The following CDH19 variants were observed in gnomAD, a reference collection of about 807,000 sequenced individuals.
CDH19 encodes cadherin 19, also known as cadherin-19.
A neutral mutation model predicts 64.2 loss-of-function variants in CDH19; 67 were observed. The ratio of observed to expected loss-of-function variants is 1.04; its 90% CI spans 0.86 to 1.28. CDH19 has a LOEUF of 1.28. Among genes scored for constraint, CDH19 ranks in the 50% most tolerant of loss-of-function variants. CDH19 has a pLI of 0.00. For missense variants in CDH19, 1,030 were observed against 929.0 expected (o/e 1.11, Z -1.41); for synonymous variants, 346 against 319.3 (o/e 1.08, Z -0.89).
At chr18:66,573,521 G>C (rs904664398) in intron 1 of CDH19, among the ~76,000 whole-genome samples, 7 of 151,652 alleles carry the variant, frequency 4.6e-5, no homozygotes, top group African/African-American at 1.7e-4. Flanking sequence ...TTTATGTTAC[G>C]TATTTGAAAT....
intron 7 of CDH19, among the ~76,000 whole-genome samples, chr18:66,541,053 T>G (rs551460): frequency 0.25 from 38,388 of 151,904 alleles, 6,759 homozygotes; most frequent in African/African-American, 0.49. Flanking sequence ...TTTTAAAAAT[T>G]GACATGTAGT....
At chr18:66,543,379 T>TA (rs1448927325) in intron 7 of CDH19, among the ~76,000 whole-genome samples, 1 of 152,090 alleles carries the variant, frequency 6.6e-6, no homozygotes, top group East Asian at 1.9e-4. Flanking sequence ...TGGGGCTTTT[T>TA]AAAAAACGAT....
intron 6 of CDH19, 127 bp from the exon 7 acceptor site, chr18:66,544,351 A>G (rs550990030): frequency 7.7e-6 from 6 of 775,560 alleles, no homozygotes. Flanking sequence ...TTTTATGTAC[A>G]TGGATCTCTC....
chr18:66,565,044 A>AT (rs36007690), intron 3 of CDH19, among the ~76,000 whole-genome samples: 1 of 151,696 alleles, frequency 6.6e-6, no homozygotes, highest in East Asian at 1.9e-4. Flanking sequence ...CTTATTTAGC[A>AT]TTTTTTTGTC....
chr18:66,595,960 C>T (rs1043944882), intron 1 of CDH19, among the ~76,000 whole-genome samples: 3 of 152,032 alleles, frequency 2.0e-5, no homozygotes, highest in Non-Finnish European at 4.4e-5. Flanking sequence ...CAAATTCAAT[C>T]CATCATGATA....
At chr18:66,513,711 T>C (rs889144978) in intron 9 of CDH19, among the ~76,000 whole-genome samples, 1 of 151,468 alleles carries the variant, frequency 6.6e-6, no homozygotes, top group Non-Finnish European at 1.5e-5. Flanking sequence ...CTGGGAACTA[T>C]CGTTGACCTT....
intron 4 of CDH19, 23 bp downstream of exon 4, chr18:66,554,380 CTT>C (rs1279297624): frequency 6.8e-6 from 11 of 1,608,244 alleles, no homozygotes; most frequent in Admixed American, 1.7e-5. Flanking sequence ...TCATGTTAAA[CTT>C]TGCTTGTTTC....
chr18:66,544,964 T>C (rs897528195), intron 5 of CDH19, 61 bp from the exon 6 acceptor site: 37 of 1,255,764 alleles, frequency 2.9e-5, no homozygotes, highest in African/African-American at 6.1e-5. Context: ...CTTGCAATTA[T>C]AGTTTTTTGT....
At chr18:66,509,342 G>A in intron 10 of CDH19, 96 bp from the exon 11 acceptor site, 7 of 1,015,070 alleles carry the variant, frequency 6.9e-6, no homozygotes, top group South Asian at 1.8e-5. Flanking sequence ...ATAGAGATAT[G>A]ATCAAGTAAG....
chr18:66,520,858 T>C (rs1049422981), intron 9 of CDH19, among the ~76,000 whole-genome samples: 1 of 152,066 alleles, frequency 6.6e-6, no homozygotes, highest in African/African-American at 2.4e-5. Context: ...ATTTATTGAT[T>C]GTTATGTAAT....
chr18:66,569,225 T>C (rs966993427), intron 2 of CDH19, among the ~76,000 whole-genome samples: 2 of 151,708 alleles, frequency 1.3e-5, no homozygotes, highest in Non-Finnish European at 3.0e-5. Flanking sequence ...ATTTATTACA[T>C]GTCATAAAAT....
In CDH19 at chr18:66,503,607, T is replaced by C. The variant is rs188127433; in HGVS notation, c.*1205A>G. The C allele has an allele frequency of 2.0e-5, 3 of 152,038 alleles. No individual in the cohort carries two copies. The highest frequency in any genetic ancestry group is 2.0e-4 in the Admixed American group (3 of 15,230). The allele number at this position is 152,038 out of a possible 1,614,324, so 9.4% of individuals were successfully genotyped here. On this transcript the variant is annotated 3_prime_UTR_variant, in exon 12 of 12. Coordinates refer to ENST00000262150, the MANE Select transcript of CDH19 (RefSeq NM_021153.4). ...GTTTGCATTTAATTATGAGTAAATA[T>C]TGACTTGTATTTTGCTATTGTATTT...
intron 1 of CDH19, among the ~76,000 whole-genome samples, chr18:66,595,269 ACAT>A (rs1988854787): frequency 6.6e-6 from 1 of 151,612 alleles, no homozygotes; most frequent in African/African-American, 2.4e-5. Context: ...TAATAACGTA[ACAT>A]CACACCTAGA....
intron 1 of CDH19, among the ~76,000 whole-genome samples, chr18:66,595,741 A>G (rs1988869350): frequency 6.6e-6 from 1 of 152,112 alleles, no homozygotes; most frequent in Non-Finnish European, 1.5e-5. Flanking sequence ...GATACTATAA[A>G]GAAGACGGGG....
intron 9 of CDH19, among the ~76,000 whole-genome samples, chr18:66,513,963 T>C (rs1409733603): frequency 6.6e-6 from 1 of 151,482 alleles, no homozygotes; most frequent in Admixed American, 6.6e-5. Context: ...AAATACATTG[T>C]GTAAGCCCCA....
chr18:66,558,070 C>T (rs2144535459), intron 3 of CDH19, among the ~76,000 whole-genome samples: 1 of 151,248 alleles, frequency 6.6e-6, no homozygotes, highest in Non-Finnish European at 1.5e-5. Flanking sequence ...AATAAAATTG[C>T]CTTGCAGAGG....
chr18:66,523,950 AGGACCTTG>A (rs989424213), intron 9 of CDH19, among the ~76,000 whole-genome samples: 4 of 152,000 alleles, frequency 2.6e-5, no homozygotes, highest in Admixed American at 2.6e-4. Flanking sequence ...TGCACAGCGC[AGGACCTTG>A]TTAAGCAGGT....
chr18:66,554,083 G>T (rs561740262), intron 4 of CDH19, among the ~76,000 whole-genome samples: 1 of 151,898 alleles, frequency 6.6e-6, no homozygotes, highest in African/African-American at 2.4e-5. Flanking sequence ...TCTGTATATT[G>T]TTCTTTGTCA....
chr18:66,515,741 A>C (rs1985708420), intron 9 of CDH19, among the ~76,000 whole-genome samples: 1 of 151,912 alleles, frequency 6.6e-6, no homozygotes, highest in African/African-American at 2.4e-5. Context: ...TTTTAAAGTT[A>C]ATATTCCAAA....
Sources: allele counts gnomAD v4.1 joint callset (sites outside exome capture counted in the v4.1 genomes callset), GRCh38; gene constraint gnomAD v4.1.1; transcripts MANE v1.5; gene names NCBI Gene and HGNC (gene_info 2026-07-23, HGNC 2026-07-21).